Variants in ENTREP2 observed in about 807,000 individuals in gnomAD.
ENTREP2 encodes the protein endosomal transmembrane epsin interactor 2, also known as protein ENTREP2.
At chr15:29,515,716 G>T in the ENTREP2 span, among the ~76,000 whole-genome samples, 1 of 152,160 alleles carries the variant, frequency 6.6e-6, no homozygotes, top group Non-Finnish European at 1.5e-5. Context: ...GCTGTTAAAT[G>T]TGTGGTCATT....
At chr15:29,237,324 C>T in the ENTREP2 span, among the ~76,000 whole-genome samples, 8 of 152,020 alleles carry the variant, frequency 5.3e-5, no homozygotes, top group Admixed American at 3.3e-4. Context: ...GGTGGATTTT[C>T]GGAGACCTGG....
At chr15:29,156,938 T>C in the ENTREP2 span, among the ~76,000 whole-genome samples, 1 of 151,574 alleles carries the variant, frequency 6.6e-6, no homozygotes, top group Non-Finnish European at 1.5e-5. Context: ...CCACTAAAAA[T>C]ATAAAAAAAT....
At chr15:29,129,889 G>C in the ENTREP2 span, among the ~76,000 whole-genome samples, 1 of 152,144 alleles carries the variant, frequency 6.6e-6, no homozygotes, top group African/African-American at 2.4e-5. Flanking sequence ...ACAATTTTTT[G>C]AATCCCTGTG....
chr15:29,126,702 G>A, the ENTREP2 span, among the ~76,000 whole-genome samples: 4 of 152,212 alleles, frequency 2.6e-5, no homozygotes, highest in Non-Finnish European at 4.4e-5. Flanking sequence ...GGCATGGTTC[G>A]GGGGCTTAGA....
chr15:29,632,102 C>G, the ENTREP2 span, among the ~76,000 whole-genome samples: 1 of 152,188 alleles, frequency 6.6e-6, no homozygotes, highest in Non-Finnish European at 1.5e-5. Context: ...CCATCTGTGC[C>G]TTATGGTGGT....
At chr15:29,657,302 C>T in the ENTREP2 span, among the ~76,000 whole-genome samples, 1 of 151,828 alleles carries the variant, frequency 6.6e-6, no homozygotes, top group African/African-American at 2.4e-5. Context: ...CCTCCTGATC[C>T]ACCTACCTCA....
chr15:29,601,458 T>A, the ENTREP2 span, among the ~76,000 whole-genome samples: 1 of 151,058 alleles, frequency 6.6e-6, no homozygotes, highest in Non-Finnish European at 1.5e-5. Flanking sequence ...CTAGAGTTAC[T>A]TCCTCTGGGG....
chr15:29,509,617 G>A, the ENTREP2 span, among the ~76,000 whole-genome samples: 4 of 152,136 alleles, frequency 2.6e-5, no homozygotes, highest in Admixed American at 6.5e-5. Context: ...ACAACCAAAT[G>A]ATCTTTGACA....
the ENTREP2 span, among the ~76,000 whole-genome samples, chr15:29,293,799 C>T: frequency 6.6e-6 from 1 of 152,252 alleles, no homozygotes; most frequent in Non-Finnish European, 1.5e-5. Flanking sequence ...CCACACCCTC[C>T]ACCCCCGCTC....
At chr15:29,135,218 C>T in the ENTREP2 span, among the ~76,000 whole-genome samples, 1 of 152,196 alleles carries the variant, frequency 6.6e-6, no homozygotes, top group South Asian at 2.1e-4. The surrounding 1 kb of genome is among the most constrained non-coding windows in gnomAD (Gnocchi z 7.4). Context: ...CCGAGGCCTC[C>T]AGGACCTCCT....
chr15:29,194,790 G>A, the ENTREP2 span, among the ~76,000 whole-genome samples: 2 of 152,238 alleles, frequency 1.3e-5, no homozygotes, highest in South Asian at 2.1e-4. Context: ...CATGAAAACC[G>A]GGTCCTGCAT....
chr15:29,259,958 G>A, the ENTREP2 span, among the ~76,000 whole-genome samples: 1 of 152,160 alleles, frequency 6.6e-6, no homozygotes, highest in Non-Finnish European at 1.5e-5. Flanking sequence ...ATTAAAATCT[G>A]CCCTTTCCGT....
chr15:29,149,998 A>G, the ENTREP2 span, among the ~76,000 whole-genome samples: 1 of 152,224 alleles, frequency 6.6e-6, no homozygotes, highest in Non-Finnish European at 1.5e-5. Context: ...TCCCTTGCAC[A>G]GTATTTTCTG....
At chr15:29,237,229 T>C in the ENTREP2 span, among the ~76,000 whole-genome samples, 1 of 152,250 alleles carries the variant, frequency 6.6e-6, no homozygotes, top group Admixed American at 6.5e-5. Context: ...AAGTTCTTCA[T>C]ATATTTTAGA....
chr15:29,211,285 G>A, the ENTREP2 span, among the ~76,000 whole-genome samples: 4 of 152,096 alleles, frequency 2.6e-5, no homozygotes, highest in African/African-American at 7.2e-5. Flanking sequence ...TTCTGTGACC[G>A]TGGTGCTGTG....
chr15:29,146,380 C>T, the ENTREP2 span, among the ~76,000 whole-genome samples: 1 of 152,284 alleles, frequency 6.6e-6, no homozygotes, highest in Non-Finnish European at 1.5e-5. Context: ...CTGGAGGGCT[C>T]ACACGTCCAC....
the ENTREP2 span, among the ~76,000 whole-genome samples, chr15:29,656,462 G>C: frequency 6.6e-6 from 1 of 152,130 alleles, no homozygotes; most frequent in South Asian, 2.1e-4. Context: ...CCTGAGTGCA[G>C]GCAATCTGCC....
At chr15:29,312,535 C>T in the ENTREP2 span, among the ~76,000 whole-genome samples, 1 of 152,060 alleles carries the variant, frequency 6.6e-6, no homozygotes, top group East Asian at 1.9e-4. Context: ...GTCTCTGAGT[C>T]ATATTTTGGT....
At chr15:29,439,786 G>A in the ENTREP2 span, among the ~76,000 whole-genome samples, 2 of 152,176 alleles carry the variant, frequency 1.3e-5, no homozygotes, top group African/African-American at 2.4e-5. Context: ...TCTTGAGTGT[G>A]GGCTGAACTT....
Sources: gnomAD v4.1 joint callset for allele counts (sites outside exome capture counted in the v4.1 genomes callset) on GRCh38, gnomAD v4.1.1 for gene constraint, Gnocchi (gnomAD v3.1) non-coding constraint, MANE v1.5 for transcripts, NCBI Gene and HGNC (gene_info 2026-07-23, HGNC 2026-07-21) for gene names.